DIAPH3: variants seen among roughly 807,000 people sequenced by gnomAD.
DIAPH3 encodes the protein protein diaphanous homolog 3.
In DIAPH3, 117 loss-of-function variants were observed where a neutral mutation model predicts 144.3. That is an observed-to-expected ratio of 0.81 (90% CI 0.70 to 0.95). DIAPH3 has a LOEUF of 0.95. DIAPH3 is among the 40% of genes least tolerant of loss of function. The probability of loss-of-function intolerance (pLI) is 0.00; values close to 1 mark genes in which losing one functional copy is unlikely to be tolerated. For missense variants in DIAPH3, 1,421 were observed against 1,412.7 expected, an observed-to-expected ratio of 1.01 and a Z score of -0.09; for synonymous variants, 519 against 488.9, an observed-to-expected ratio of 1.06 and a Z score of -0.81.
At chr13:60,036,309 C>G (rs2055207162) in intron 5 of DIAPH3, among the ~76,000 whole-genome samples, 1 of 152,176 alleles carries the variant, frequency 6.6e-6, no homozygotes, top group Admixed American at 6.6e-5. Flanking sequence ...GCCCCTTAGG[C>G]AGCACTGTCT....
chr13:59,958,734 G>A (rs2049559252), intron 17 of DIAPH3, among the ~76,000 whole-genome samples: 1 of 151,614 alleles, frequency 6.6e-6, no homozygotes. Context: ...GAAAAGGAAG[G>A]GGAAAAAATC....
chr13:59,709,166 T>A (rs917310447), intron 27 of DIAPH3, among the ~76,000 whole-genome samples: 1 of 152,206 alleles, frequency 6.6e-6, no homozygotes, highest in African/African-American at 2.4e-5. Context: ...TATTTCTGGG[T>A]GAGCCTGTAA....
At chr13:59,947,223 G>C (rs928135845) in intron 17 of DIAPH3, among the ~76,000 whole-genome samples, 1 of 152,090 alleles carries the variant, frequency 6.6e-6, no homozygotes, top group African/African-American at 2.4e-5. Flanking sequence ...AGAGTGCAGA[G>C]GTGAACATTC....
intron 27 of DIAPH3, among the ~76,000 whole-genome samples, chr13:59,729,805 T>C (rs1485936138): frequency 8.4e-6 from 1 of 119,592 alleles, no homozygotes; most frequent in African/African-American, 3.1e-5. Flanking sequence ...GGTGAATACA[T>C]TAATATTTTT....
At chr13:59,742,063 T>C (rs1358604025) in intron 27 of DIAPH3, among the ~76,000 whole-genome samples, 1 of 152,122 alleles carries the variant, frequency 6.6e-6, no homozygotes, top group African/African-American at 2.4e-5. Context: ...ACTTCTTACA[T>C]GGAAGTCAGC....
intron 23 of DIAPH3, among the ~76,000 whole-genome samples, chr13:59,835,256 G>C (rs1294619476): frequency 6.6e-6 from 1 of 151,716 alleles, no homozygotes; most frequent in African/African-American, 2.4e-5. Flanking sequence ...AGGAAAAACA[G>C]TAGCTAACAA....
Position 59,703,491 on chromosome 13 carries a change from T to C in DIAPH3, c.3320-36645A>G, listed in dbSNP as rs1486380364. 1.8e-4 allele frequency among the ~76,000 whole-genome samples: 27 copies of C among 152,320 alleles called. No homozygotes were observed. In the East Asian group the frequency reaches 5.0e-3, roughly 28 times the overall value. On this transcript the variant is annotated intron_variant, in intron 27 of 27. Coordinates refer to ENST00000400324, the MANE Select transcript of DIAPH3 (RefSeq NM_001042517.2). ...CTGCCTGGATATTTTCTGAGAGTCT[T>C]CCTGTTCACCTCTCCTGTTTTCTGC...
chr13:59,769,346 C>T (rs1444291155), intron 27 of DIAPH3, among the ~76,000 whole-genome samples: 1 of 152,144 alleles, frequency 6.6e-6, no homozygotes, highest in Non-Finnish European at 1.5e-5. Flanking sequence ...GGCTCCACTA[C>T]TGTGTAATTC....
At position 59,804,487 on chromosome 13, in the gene DIAPH3, T is replaced by C. The variant is rs528964223; in HGVS notation, c.3163+6301A>G. ...CAAGTAAATTAAACTTTTCGACATA[T>C]AAAATAGTCTCATGAGTTTGTTATA... On this transcript the variant is annotated intron_variant, in intron 25 of 27. Coordinates refer to ENST00000400324, the MANE Select transcript of DIAPH3 (RefSeq NM_001042517.2). 4.6e-5 allele frequency among the ~76,000 whole-genome samples: 7 copies of C among 152,266 alleles called. No individual in the cohort carries two copies. In the South Asian group the frequency reaches 1.5e-3, roughly 32 times the overall value.
rs578100655 is a variant in DIAPH3 at position 59,893,942 on chromosome 13, T to C, written c.2368-14474A>G. Among the ~76,000 whole-genome samples, 12 of 152,304 alleles carry C rather than the reference T, an allele frequency of 7.9e-5. No homozygotes were observed. In the South Asian group the frequency reaches 2.3e-3, roughly 29 times the overall value. Reference sequence around the variant, plus strand: ...CGACAGCTTGCTGTGTTTCTTAGTATTGATTGTATGCAATTTTTATTCTTT... The same window carrying C: ...CGACAGCTTGCTGTGTTTCTTAGTACTGATTGTATGCAATTTTTATTCTTT... On this transcript the variant is annotated intron_variant, in intron 20 of 27. Coordinates refer to ENST00000400324, the MANE Select transcript of DIAPH3 (RefSeq NM_001042517.2).
At chr13:59,871,605 G>A (rs757483803) in intron 21 of DIAPH3, among the ~76,000 whole-genome samples, 13 of 152,020 alleles carry the variant, frequency 8.6e-5, no homozygotes, top group South Asian at 2.1e-4. Flanking sequence ...TTCAAATGTC[G>A]CACCCAGCCA....
intron 27 of DIAPH3, among the ~76,000 whole-genome samples, chr13:59,739,479 C>A (rs1168991407): frequency 5.9e-5 from 9 of 152,112 alleles, no homozygotes; most frequent in Admixed American, 3.9e-4. Context: ...ATGATTACAG[C>A]ACCGGTGCTA....
chr13:59,836,208 C>A (rs2139745064), intron 23 of DIAPH3, among the ~76,000 whole-genome samples: 1 of 151,840 alleles, frequency 6.6e-6, no homozygotes, highest in South Asian at 2.1e-4. Context: ...TTGTTCTTCT[C>A]CTTAAAATAA....
intron 20 of DIAPH3, among the ~76,000 whole-genome samples, chr13:59,903,961 T>C (rs1468280143): frequency 6.6e-6 from 1 of 152,230 alleles, no homozygotes; most frequent in Admixed American, 6.5e-5. Context: ...AGACTGTGAC[T>C]TGTAAAATAA....
At chr13:59,672,193 T>A (rs143311064) in intron 27 of DIAPH3, among the ~76,000 whole-genome samples, 345 of 152,356 alleles carry the variant, frequency 2.3e-3, no homozygotes, top group African/African-American at 7.3e-3. Flanking sequence ...ACTTCTCTGC[T>A]GCAGGAAGTA....
At chr13:59,929,980 T>G (rs901439695) in intron 17 of DIAPH3, among the ~76,000 whole-genome samples, 4 of 152,184 alleles carry the variant, frequency 2.6e-5, no homozygotes, top group African/African-American at 9.7e-5. Flanking sequence ...TCTGAGAGAT[T>G]TAATATCTTG....
intron 17 of DIAPH3, among the ~76,000 whole-genome samples, chr13:59,957,160 T>A (rs904512476): frequency 6.6e-6 from 1 of 152,206 alleles, no homozygotes; most frequent in South Asian, 2.1e-4. Flanking sequence ...TGGGAAGACA[T>A]GATTGGTTTT....
intron 5 of DIAPH3, among the ~76,000 whole-genome samples, chr13:60,029,137 C>T (rs1322481378): frequency 2.7e-5 from 4 of 147,150 alleles, no homozygotes; most frequent in Non-Finnish European, 6.0e-5. Context: ...ATTAACAGCA[C>T]TACTATCTGC....
At chr13:60,110,768 A>C (rs1471668106) in intron 3 of DIAPH3, among the ~76,000 whole-genome samples, 1 of 152,236 alleles carries the variant, frequency 6.6e-6, no homozygotes, top group Admixed American at 6.5e-5. Context: ...GACCTGCTTA[A>C]GGGTGAAAAA....
Sources: gnomAD v4.1 joint callset for allele counts (sites outside exome capture counted in the v4.1 genomes callset) on GRCh38, gnomAD v4.1.1 for gene constraint, MANE v1.5 for transcripts, NCBI Gene and HGNC (gene_info 2026-07-23, HGNC 2026-07-21) for gene names.